The following GALNT6 variants were observed in gnomAD, a reference collection of about 807,000 sequenced individuals.
The protein encoded by GALNT6 is polypeptide N-acetylgalactosaminyltransferase 6, also known as GalNAc transferase 6.
Under a neutral mutation model 65.9 loss-of-function variants are expected in GALNT6, and 51 were observed. That is an observed-to-expected ratio of 0.77 (90% CI 0.62 to 0.98). The LOEUF (loss-of-function observed/expected upper bound fraction) is 0.98. Ranked by LOEUF, GALNT6 falls within the 50% of genes least tolerant of loss-of-function variation. The pLI is 0.00. For synonymous variants in GALNT6, 323 were observed against 315.1 expected (o/e 1.02, Z -0.26); for missense variants, 708 against 803.3 (o/e 0.88, Z 1.43).
chr12:51,385,711 T>C (rs1947814806), intron 2 of GALNT6, among the ~76,000 whole-genome samples: 1 of 152,132 alleles, frequency 6.6e-6, no homozygotes, highest in Non-Finnish European at 1.5e-5. Flanking sequence ...TTATTTGTAC[T>C]CCAGTCTCAT....
chr12:51,375,838 T>G (rs568672591), intron 4 of GALNT6, among the ~76,000 whole-genome samples: 1 of 152,164 alleles, frequency 6.6e-6, no homozygotes, highest in South Asian at 2.1e-4. Context: ...ATTACAGGCG[T>G]GAGCCACCAC....
intron 4 of GALNT6, among the ~76,000 whole-genome samples, chr12:51,366,398 G>A (rs1947109072): frequency 1.3e-5 from 2 of 152,214 alleles, no homozygotes; most frequent in African/African-American, 4.8e-5. Flanking sequence ...CACAAATGGT[G>A]ACTCCTTGCT....
chr12:51,355,994 C>T, intron 10 of GALNT6, 36 bp from the exon 11 acceptor site: 1 of 1,606,052 alleles, frequency 6.2e-7, no homozygotes. Context: ...GTGGAGAGTT[C>T]ACCCCCAGCC....
chr12:51,374,766 A>G (rs1275334041), intron 4 of GALNT6, among the ~76,000 whole-genome samples: 1 of 152,116 alleles, frequency 6.6e-6, no homozygotes, highest in African/African-American at 2.4e-5. Flanking sequence ...AGGCCCCATC[A>G]TCTCCTACTC....
At chr12:51,364,724 C>T (rs1947038266) in intron 5 of GALNT6, among the ~76,000 whole-genome samples, 1 of 152,242 alleles carries the variant, frequency 6.6e-6, no homozygotes, top group Non-Finnish European at 1.5e-5. Context: ...CTCCCAGGGG[C>T]ATCCGCATGT....
At chr12:51,368,664 C>T (rs1053626986) in intron 4 of GALNT6, among the ~76,000 whole-genome samples, 1 of 152,148 alleles carries the variant, frequency 6.6e-6, no homozygotes, top group African/African-American at 2.4e-5. Context: ...CCTCGGCCTC[C>T]CAAAGAGTTG....
At chr12:51,373,655 C>T (rs1947360781) in intron 4 of GALNT6, among the ~76,000 whole-genome samples, 1 of 152,200 alleles carries the variant, frequency 6.6e-6, no homozygotes, top group Non-Finnish European at 1.5e-5. Flanking sequence ...AACGAAAGAA[C>T]CCAGTTTGAG....
At chr12:51,365,333 G>T in intron 5 of GALNT6, 97 bp downstream of exon 5, 2 of 1,190,070 alleles carry the variant, frequency 1.7e-6, no homozygotes, top group South Asian at 1.6e-5. Context: ...TCCCGGAAGA[G>T]AGAACAGGAA....
Position 51,376,320 on chromosome 12 carries a change from C to T in GALNT6, c.664+875G>A, listed in dbSNP as rs548517044. 3.9e-5 allele frequency among the ~76,000 whole-genome samples: 6 copies of T among 152,196 alleles called. No individual in the cohort carries two copies. In the South Asian group the frequency reaches 1.2e-3, roughly 32 times the overall value. On this transcript the variant is annotated intron_variant, in intron 4 of 11. Transcript: ENST00000356317. The stretch of plus-strand genomic sequence containing the variant: ...ACCTGTTACAGGTGCATCACTGCCA[C>T]AGCACTGTGGCTAGTGTTGTAAGAG...
At chr12:51,376,146 T>G (rs549873425) in intron 4 of GALNT6, among the ~76,000 whole-genome samples, 114 of 152,210 alleles carry the variant, frequency 7.5e-4, no homozygotes, top group African/African-American at 2.6e-3. Flanking sequence ...ATTACAGGCT[T>G]GAGCCACTGT....
At chr12:51,366,255 C>T (rs997734557) in intron 4 of GALNT6, among the ~76,000 whole-genome samples, 1 of 152,166 alleles carries the variant, frequency 6.6e-6, no homozygotes, top group Non-Finnish European at 1.5e-5. Flanking sequence ...CAGATGCCTC[C>T]CTCAGTTTCT....
At chr12:51,382,579 T>C (rs1403007086) in intron 2 of GALNT6, 2 of 152,462 alleles carry the variant, frequency 1.3e-5, no homozygotes, top group Admixed American at 1.3e-4. Context: ...GTAGCAGAAA[T>C]TGGGCCTACA....
chr12:51,370,104 G>GCA (rs1423487802), intron 4 of GALNT6, among the ~76,000 whole-genome samples: 97 of 152,330 alleles, frequency 6.4e-4, no homozygotes, highest in Non-Finnish European at 4.4e-5. Flanking sequence ...AGAGCTGAAA[G>GCA]CAGAGACTTG....
At chr12:51,373,899 G>A (rs1012748222) in intron 4 of GALNT6, among the ~76,000 whole-genome samples, 4 of 151,986 alleles carry the variant, frequency 2.6e-5, no homozygotes, top group African/African-American at 9.7e-5. Context: ...TCACTCTATT[G>A]CCTAGGCTGG....
At chr12:51,391,132 T>C (rs916500571) in intron 1 of GALNT6, 155 bp downstream of exon 1, 2 of 152,352 alleles carry the variant, frequency 1.3e-5, no homozygotes, top group Admixed American at 1.3e-4. Flanking sequence ...AGGCGCAACG[T>C]GGCAGGGCAG....
chr12:51,363,578 T>C (rs1946995617), intron 6 of GALNT6, among the ~76,000 whole-genome samples: 1 of 152,244 alleles, frequency 6.6e-6, no homozygotes, highest in South Asian at 2.1e-4. Flanking sequence ...CCAAAGAAGT[T>C]CAGGGCAACT....
rs1947599664 is a variant in GALNT6, at chr12:51,379,732, C to T, written c.50G>A (p.Gly17Asp). ...RHMPLRLAMV[G>D]CAFVLFLFLL... ...GAAGAGGAAGAGCACAAAGGCGCAGCCCACCATGGCCAGGCGCAGGGGCAT... is the reference window on the plus strand; with the variant it reads ...GAAGAGGAAGAGCACAAAGGCGCAGTCCACCATGGCCAGGCGCAGGGGCAT... Residue 17 changes from glycine (G) to aspartate (D), a missense_variant, in exon 3 of 12, where the codon GGC (glycine) becomes GAC (aspartate). Physicochemically the swap from Gly to Asp is moderately conservative, Grantham distance 94 (BLOSUM62 -1). Transcript: ENST00000356317. 6.2e-7 allele frequency: 1 copy of T among 1,613,084 alleles called. No homozygotes were observed. Among genetic ancestry groups the T allele is most frequent in the Non-Finnish European group, 8.5e-7 (1 of 1,179,898 alleles).
At position 51,379,743 on chromosome 12, in the gene GALNT6, C is replaced by T; in HGVS notation, c.39G>A (p.Leu13=). ...LLRRRHMPLR[L]AMVGCAFVLF... Reference sequence around the variant, plus strand: ...GCACAAAGGCGCAGCCCACCATGGCCAGGCGCAGGGGCATGTGGCGTCTGC... The same window carrying T: ...GCACAAAGGCGCAGCCCACCATGGCTAGGCGCAGGGGCATGTGGCGTCTGC... Residue 13 remains leucine, a synonymous_variant, in exon 3 of 12, where the codon CTG becomes CTA. Transcript: ENST00000356317. 1 of 1,612,384 alleles carries T rather than the reference C, an allele frequency of 6.2e-7. No individual in the cohort carries two copies. The highest frequency in any genetic ancestry group is 8.5e-7 in the Non-Finnish European group (1 of 1,179,948).
At chr12:51,389,636 T>A (rs10876169) in intron 2 of GALNT6, among the ~76,000 whole-genome samples, 46,761 of 152,128 alleles carry the variant, frequency 0.31, 8,807 homozygotes, top group Non-Finnish European at 0.41. Context: ...CTGAGTCAGC[T>A]GCCTGCCTTC....
Sources: gnomAD v4.1 joint callset for allele counts (sites outside exome capture counted in the v4.1 genomes callset) on GRCh38, gnomAD v4.1.1 for gene constraint, MANE v1.5 for transcripts, NCBI Gene and HGNC (gene_info 2026-07-23, HGNC 2026-07-21) for gene names.